Variants in CX3CR1 observed in about 807,000 individuals in gnomAD.
CX3CR1 encodes CX3C chemokine receptor 1.
For synonymous variants in CX3CR1, 168 were observed against 178.5 expected (o/e 0.94, Z 0.47); for missense variants, 363 against 432.4 (o/e 0.84, Z 1.42).
intron 1 of CX3CR1, among the ~76,000 whole-genome samples, chr3:39,275,067 G>C (rs2125554497): frequency 6.6e-6 from 1 of 152,150 alleles, no homozygotes; most frequent in Admixed American, 6.5e-5. Context: ...TCACCATGTT[G>C]GCCAGGCTGA....
At chr3:39,268,907 C>T (rs1004107519) in intron 1 of CX3CR1, among the ~76,000 whole-genome samples, 3 of 152,226 alleles carry the variant, frequency 2.0e-5, no homozygotes, top group Non-Finnish European at 4.4e-5. Flanking sequence ...TGTGAGGAAG[C>T]AAAAGCCCTT....
At chr3:39,278,495 A>C (rs976668522) in intron 1 of CX3CR1, among the ~76,000 whole-genome samples, 7 of 152,170 alleles carry the variant, frequency 4.6e-5, no homozygotes, top group African/African-American at 1.7e-4. Context: ...CAGGAAACCC[A>C]GCTCCCTCCA....
the CX3CR1 span, among the ~76,000 whole-genome samples, chr3:39,289,952 AC>A: frequency 6.6e-6 from 1 of 152,198 alleles, no homozygotes; most frequent in South Asian, 2.1e-4. Flanking sequence ...TGTTTAAGCC[AC>A]CCAGTCTGTG....
rs201938303 is a variant in CX3CR1, at chr3:39,266,105, G to C, written c.405C>G (p.Ala135=). Residue 135 remains alanine, a synonymous_variant, in exon 2 of 2, where the codon GCC becomes GCG. Coordinates refer to ENST00000399220, the MANE Select transcript of CX3CR1 (RefSeq NM_001337.4). The stretch of plus-strand genomic sequence containing the variant: ...GCACGGTCCGGTTGTTCATGGAGTT[G>C]GCGGCCAGGACGATGGCCAGGTACC... ...IDRYLAIVLA[A]NSMNNRTVQH... The C allele has an allele frequency of 1.1e-4, 171 of 1,614,228 alleles. No individual in the cohort carries two copies. In the African/African-American group the frequency reaches 2.1e-3, roughly 20 times the overall value.
Position 39,265,331 on chromosome 3 carries a change from G to A in CX3CR1, c.*111C>T. The A allele has an allele frequency of 8.8e-7, 1 of 1,136,284 alleles. No homozygotes were observed. The highest frequency in any genetic ancestry group is 1.3e-6 in the Non-Finnish European group (1 of 797,080). 70.4% of individuals were successfully genotyped at this position (1,136,284 alleles called of 1,614,324 possible). On this transcript the variant is annotated 3_prime_UTR_variant, in exon 2 of 2. Transcript: ENST00000399220. ...CTCTAGGGTTGTTTTGTGTGCATTG[G>A]GTCCATCATTTTGTGCCTGTAAGAA...
the CX3CR1 span, among the ~76,000 whole-genome samples, chr3:39,291,955 G>A: frequency 6.6e-6 from 1 of 152,240 alleles, no homozygotes; most frequent in African/African-American, 2.4e-5. Context: ...TAGGATAGCA[G>A]TAGGGATGTG....
At chr3:39,273,130 G>A (rs2040798983) in intron 1 of CX3CR1, among the ~76,000 whole-genome samples, 1 of 152,252 alleles carries the variant, frequency 6.6e-6, no homozygotes. Flanking sequence ...GATATTGCAG[G>A]CCACTTCTCT....
At chr3:39,283,843 T>TATATATATG (rs1351970787), upstream of CX3CR1, among the ~76,000 whole-genome samples, 1 of 74,134 alleles carries the variant, frequency 1.3e-5, no homozygotes, top group African/African-American at 4.6e-5. Context: ...ATATATATAA[T>TATATATATG]GTGGTTAATA....
chr3:39,283,795 T>TTATATA (rs59133796), upstream of CX3CR1, among the ~76,000 whole-genome samples: 1,501 of 64,810 alleles, frequency 0.023, 85 homozygotes, highest in East Asian at 0.051. Flanking sequence ...AAAAAAAAAA[T>TTATATA]TATATATATA....
At chr3:39,273,047 A>C (rs1350595580) in intron 1 of CX3CR1, among the ~76,000 whole-genome samples, 1 of 152,276 alleles carries the variant, frequency 6.6e-6, no homozygotes, top group Non-Finnish European at 1.5e-5. Flanking sequence ...TCTCAACCCC[A>C]GATGCCTCTT....
chr3:39,281,174 A>G (rs938203), upstream of CX3CR1: 886,229 of 1,016,012 alleles, frequency 0.87, 387,192 homozygotes, highest in East Asian at 0.95. Flanking sequence ...TGGCCTGCTC[A>G]TGGTGGAAGA....
chr3:39,283,796 T>TAAA (rs2040925435), upstream of CX3CR1, among the ~76,000 whole-genome samples: 5 of 8,112 alleles, frequency 6.2e-4, no homozygotes, highest in South Asian at 0.015. Context: ...AAAAAAAAAT[T>TAAA]ATATATATAT....
chr3:39,289,762 G>C, the CX3CR1 span, among the ~76,000 whole-genome samples: 1 of 152,104 alleles, frequency 6.6e-6, no homozygotes, highest in African/African-American at 2.4e-5. Context: ...TATAAGAGTG[G>C]GACCCTAATC....
intron 1 of CX3CR1, among the ~76,000 whole-genome samples, chr3:39,271,774 G>A (rs1302534408): frequency 6.6e-6 from 1 of 152,226 alleles, no homozygotes. Context: ...CGCTGAAGCT[G>A]TGTCCTTCGC....
At chr3:39,274,142 A>G (rs1336166377) in intron 1 of CX3CR1, among the ~76,000 whole-genome samples, 3 of 152,158 alleles carry the variant, frequency 2.0e-5, no homozygotes, top group Non-Finnish European at 4.4e-5. Context: ...CTTGTACTAG[A>G]TAGAAAGGTT....
intron 1 of CX3CR1, among the ~76,000 whole-genome samples, chr3:39,270,556 G>A (rs2040763740): frequency 6.6e-6 from 1 of 152,178 alleles, no homozygotes; most frequent in African/African-American, 2.4e-5. Context: ...AAGATATACT[G>A]GTAAGTGAAA....
chr3:39,276,187 C>T (rs557393303), intron 1 of CX3CR1, among the ~76,000 whole-genome samples: 14 of 152,134 alleles, frequency 9.2e-5, no homozygotes, highest in African/African-American at 3.4e-4. Flanking sequence ...TGCAGGGCTT[C>T]GGGGAAGGAT....
chr3:39,283,800 T>A (rs1174441600), upstream of CX3CR1, among the ~76,000 whole-genome samples: 1,011 of 30,574 alleles, frequency 0.033, 43 homozygotes, highest in African/African-American at 0.14. Flanking sequence ...AAAAATTATA[T>A]ATATATATAT....
rs536266802 is a variant in CX3CR1 at position 39,264,940 on chromosome 3, T to A, written c.*502A>T. ...AACTTGGCCTATCAGAGCACTTCCC[T>A]GGGAATTTTGCCCTTGGGGCCAGAG... On this transcript the variant is annotated 3_prime_UTR_variant, in exon 2 of 2. Transcript: ENST00000399220. 1 of 153,204 alleles carries A rather than the reference T, an allele frequency of 6.5e-6. No individual in the cohort carries two copies. Among genetic ancestry groups the A allele is most frequent in the Non-Finnish European group, 1.5e-5 (1 of 68,802 alleles). 9.5% of individuals were successfully genotyped at this position (153,204 alleles called of 1,614,324 possible).
Sources: gnomAD v4.1 joint callset for allele counts (sites outside exome capture counted in the v4.1 genomes callset) on GRCh38, gnomAD v4.1.1 for gene constraint, MANE v1.5 for transcripts, NCBI Gene and HGNC (gene_info 2026-07-23, HGNC 2026-07-21) for gene names.